The following SERPINA9 variants were observed in gnomAD, a reference collection of about 807,000 sequenced individuals.
The protein encoded by SERPINA9 is serpin family A member 9, also known as serpin A9.
Under a neutral mutation model 24.5 loss-of-function variants are expected in SERPINA9, and 32 were observed. The ratio of observed to expected loss-of-function variants is 1.30; its 90% CI spans 0.98 to 1.75. The LOEUF is 1.75. Ranked by LOEUF, SERPINA9 falls within the 40% of genes most tolerant of loss-of-function variation. SERPINA9 has a pLI of 0.00. For synonymous variants in SERPINA9, 233 were observed against 197.7 expected (o/e 1.18, Z -1.50); for missense variants, 594 against 497.1 (o/e 1.19, Z -1.85).
At position 94,469,247 on chromosome 14, in the gene SERPINA9, C is replaced by A; in HGVS notation, c.594G>T (p.Thr198=). The A allele has an allele frequency of 6.2e-7, 1 of 1,613,914 alleles. No homozygotes were observed. The highest frequency in any genetic ancestry group is 8.5e-7 in the Non-Finnish European group (1 of 1,179,908). The change falls in exon 2 of 5, where the codon ACG becomes ACT. Residue 198 remains threonine, a synonymous_variant. Transcript: ENST00000674397. The part of the protein sequence containing the change: ...VDIIQGLDLL[T]AMVLVNHIFF... ...AAATGTGGTTCACCAGAACCATGGC[C>A]GTCAGAAGGTCAAGGCCTTGGATTA...
At position 94,469,455 on chromosome 14, in the gene SERPINA9, G is replaced by T. The variant is rs776328898; in HGVS notation, c.386C>A (p.Thr129Asn). The change falls in exon 2 of 5, where the codon ACC (threonine) becomes AAC (asparagine). Residue 129 changes from threonine (T) to asparagine (N), a missense_variant. Transcript: ENST00000674397. ...HSLTVPSKDL[T>N]LKMGSALFVK... ...GAAGAGGGCACTTCCCATCTTCAAG[G>T]TCAGGTCTTTGCTGGGAACAGTCAG... is the stretch of plus-strand genomic sequence containing the variant. The T allele has an allele frequency of 1.2e-6, 2 of 1,614,066 alleles. No individual in the cohort carries two copies. Among genetic ancestry groups the T allele is most frequent in the East Asian group, 2.2e-5 (1 of 44,890 alleles).
At chr14:94,468,125 G>A (rs1370154335) in intron 2 of SERPINA9, among the ~76,000 whole-genome samples, 2 of 151,850 alleles carry the variant, frequency 1.3e-5, no homozygotes, top group African/African-American at 4.8e-5. Context: ...TTTGGTGAAT[G>A]GGCAGATATA....
At chr14:94,464,632 G>A in intron 4 of SERPINA9, 75 bp downstream of exon 4, 7 of 1,274,642 alleles carry the variant, frequency 5.5e-6, no homozygotes, top group East Asian at 2.3e-5. Context: ...CCTTATCAAC[G>A]AAATAAGAGC....
chr14:94,464,862 G>T lies in SERPINA9; in HGVS notation c.903-8C>A, dbSNP rs755259417. On this transcript the variant is annotated splice_region_variant and splice_polypyrimidine_tract_variant and intron_variant, in intron 3 of 4. Coordinates refer to ENST00000674397, the MANE Select transcript of SERPINA9 (RefSeq NM_175739.4). ...ATGAACACCTCTATCCACCTGTGGAGTAGGGAAAAGGAAACAATGAGGTCA... is the reference window on the plus strand; with the variant it reads ...ATGAACACCTCTATCCACCTGTGGATTAGGGAAAAGGAAACAATGAGGTCA... 1 of 1,607,578 alleles carries T rather than the reference G, an allele frequency of 6.2e-7. No individual in the cohort carries two copies. The highest frequency in any genetic ancestry group is 2.2e-5 in the East Asian group (1 of 44,790).
intron 3 of SERPINA9, 27 bp downstream of exon 3, chr14:94,467,082 G>A: frequency 1.9e-6 from 3 of 1,605,630 alleles, no homozygotes; most frequent in Non-Finnish European, 2.6e-6. Flanking sequence ...CTGCCTCAGG[G>A]CCCAGGAGAT....
chr14:94,464,815 G>C lies in SERPINA9; in HGVS notation c.942C>G (p.Ala314=). The change falls in exon 4 of 5, where the codon GCC becomes GCG. Residue 314 remains alanine (A), a synonymous_variant. Coordinates refer to ENST00000674397, the MANE Select transcript of SERPINA9 (RefSeq NM_175739.4). ...EVFIPRFSIS[A]SYNLETILPK... The stretch of plus-strand genomic sequence containing the variant: ...GGAGGATGGTTTCCAGATTGTAGGA[G>C]GCAGAAATGGAAAATCTGGGGATGA... 1.9e-6 allele frequency: 3 copies of C among 1,613,614 alleles called. No individual in the cohort carries two copies. Among genetic ancestry groups the C allele is most frequent in the Non-Finnish European group, 2.5e-6 (3 of 1,179,584 alleles).
rs1295712019 is a variant in SERPINA9 at position 94,469,584 on chromosome 14, G to A, written c.257C>T (p.Ala86Val). Residue 86 changes from alanine to valine, a missense_variant, in exon 2 of 5, where the codon GCC (alanine) becomes GTC (valine). Physicochemically the swap from Ala to Val is moderately conservative, Grantham distance 64. Transcript: ENST00000674397. ...STSLAMLSLG[A>V]HSVTKTQILQ... ...AATCTGGGTCTTGGTGACTGAGTGG[G>A]CCCCAAGGGAGAGCATGGCCAGGGA... is the stretch of plus-strand genomic sequence containing the variant. 1 of 1,614,154 alleles carries A rather than the reference G, an allele frequency of 6.2e-7. No homozygotes were observed. The highest frequency in any genetic ancestry group is 1.1e-5 in the South Asian group (1 of 91,078).
chr14:94,470,988 T>A (rs1396096482), intron 1 of SERPINA9, among the ~76,000 whole-genome samples: 1 of 152,220 alleles, frequency 6.6e-6, no homozygotes, highest in Non-Finnish European at 1.5e-5. Context: ...AGGGGAGGTC[T>A]GTGCTCAGCC....
intron 1 of SERPINA9, among the ~76,000 whole-genome samples, chr14:94,475,431 C>G (rs1899553595): frequency 1.4e-5 from 1 of 70,800 alleles, no homozygotes; most frequent in African/African-American, 5.4e-5. Flanking sequence ...CACACACACA[C>G]ACACATACAC....
At chr14:94,464,299 CTCTCTCT>C (rs774385759) in intron 4 of SERPINA9, 1 of 213,492 alleles carries the variant, frequency 4.7e-6, no homozygotes, top group Non-Finnish European at 9.2e-6. Context: ...CTCTCTCTCT[CTCTCTCT>C]CTCTCTCTCT....
At chr14:94,465,482 T>C (rs1296284364) in intron 3 of SERPINA9, among the ~76,000 whole-genome samples, 2 of 152,226 alleles carry the variant, frequency 1.3e-5, no homozygotes, top group East Asian at 1.9e-4. Flanking sequence ...ATATTTTTTT[T>C]CCTCTGCAAT....
At chr14:94,473,369 G>A (rs1357103672) in intron 1 of SERPINA9, among the ~76,000 whole-genome samples, 1 of 151,956 alleles carries the variant, frequency 6.6e-6, no homozygotes, top group Non-Finnish European at 1.5e-5. Context: ...AAATGCAAAA[G>A]TTAGCCAGGC....
intron 1 of SERPINA9, 131 bp from the exon 2 acceptor site, chr14:94,469,988 A>G (rs2139813123): frequency 1.3e-6 from 1 of 750,930 alleles, no homozygotes; most frequent in Non-Finnish European, 2.0e-6. Flanking sequence ...GCTCTCTCAC[A>G]TAATCTCTGA....
In SERPINA9 at chr14:94,475,435, CAT is replaced by C. The variant is rs982835771; in HGVS notation, c.-18+699_-18+700del. 4.9e-4 allele frequency among the ~76,000 whole-genome samples: 34 copies of C among 69,288 alleles called. 1 individual carries two copies. Among genetic ancestry groups the C allele is most frequent in the South Asian group, 4.3e-3 (9 of 2,114 alleles). 45.5% of individuals were successfully genotyped at this position (69,288 alleles called of 152,430 possible). A position where few individuals can be genotyped will look rare whatever the true frequency, so the allele number is the denominator to read the frequency against. ...GCCTACATGTGCACACACACACACA[CAT>C]ACACACACACACACACACACACACA... is the stretch of plus-strand genomic sequence containing the variant. On this transcript the variant is annotated intron_variant, in intron 1 of 4. Transcript: ENST00000674397.
chr14:94,464,481 T>A, intron 4 of SERPINA9: 1 of 562,556 alleles, frequency 1.8e-6, no homozygotes, highest in Non-Finnish European at 3.1e-6. Context: ...GGGGAGCACC[T>A]GACTGCTGAG....
chr14:94,468,539 G>T (rs979218953), intron 2 of SERPINA9, among the ~76,000 whole-genome samples: 1 of 152,184 alleles, frequency 6.6e-6, no homozygotes, highest in Non-Finnish European at 1.5e-5. Flanking sequence ...ACTGGCACAG[G>T]TCAGGCACTC....
At position 94,469,715 on chromosome 14, in the gene SERPINA9, T is replaced by C. The variant is rs1229825759; in HGVS notation, c.126A>G (p.Ser42=). The C allele has an allele frequency of 6.2e-7, 1 of 1,601,880 alleles. No individual in the cohort carries two copies. The highest frequency in any genetic ancestry group is 8.5e-7 in the Non-Finnish European group (1 of 1,172,788). ...RPSSTKSTPA[S]QVYSLNTDFA... ...AGTCGGTGTTGAGGGAATACACCTG[T>C]GAGGCAGGGGTGCTCTTTGTGGAGG... is the stretch of plus-strand genomic sequence containing the variant. Residue 42 remains serine, a synonymous_variant, in exon 2 of 5, where the codon TCA becomes TCG. Transcript: ENST00000674397.
intron 4 of SERPINA9, chr14:94,464,287 CTCTCTCTCTCTCTCTCTCTCT>C (rs1898882867): frequency 4.8e-6 from 1 of 206,454 alleles, no homozygotes; most frequent in African/African-American, 2.4e-5. Context: ...CTCTCTCTCT[CTCTCTCTCTCTCTCTCTCTCT>C]CTCTCTCTCT....
chr14:94,467,731 G>A (rs1332382566), intron 2 of SERPINA9, among the ~76,000 whole-genome samples: 1 of 152,026 alleles, frequency 6.6e-6, no homozygotes, highest in African/African-American at 2.4e-5. Flanking sequence ...GGATAGCCTG[G>A]CAGATGGAGG....
Sources: gnomAD v4.1 joint callset for allele counts (sites outside exome capture counted in the v4.1 genomes callset) on GRCh38, gnomAD v4.1.1 for gene constraint, MANE v1.5 for transcripts, NCBI Gene and HGNC (gene_info 2026-07-23, HGNC 2026-07-21) for gene names.